The following RFX2 variants were observed in gnomAD, a reference collection of about 807,000 sequenced individuals.
The protein encoded by RFX2 is DNA-binding protein RFX2.
Under a neutral mutation model 87.8 loss-of-function variants are expected in RFX2, and 20 were observed. That is an observed-to-expected ratio of 0.23 (90% CI 0.16 to 0.33). RFX2 has a LOEUF of 0.33. RFX2 is among the 10% of genes least tolerant of loss of function. The pLI is 1.00. For synonymous variants in RFX2, 397 were observed against 431.3 expected (o/e 0.92, Z 0.98); for missense variants, 767 against 1,012.3 (o/e 0.76, Z 3.29).
chr19:6,008,363 C>T (rs2086615504), intron 9 of RFX2, 139 bp from the exon 10 acceptor site: 2 of 465,736 alleles, frequency 4.3e-6, no homozygotes, highest in Admixed American at 3.8e-5. Flanking sequence ...TTTTTTCTTT[C>T]TTTTTCTTTT....
chr19:6,042,624 G>A (rs1049235725), intron 3 of RFX2, among the ~76,000 whole-genome samples: 2 of 152,190 alleles, frequency 1.3e-5, no homozygotes, highest in East Asian at 3.8e-4. Flanking sequence ...AACACCCCCC[G>A]TGGGTGGCCC....
At chr19:6,100,004 C>T (rs904866479) in intron 1 of RFX2, among the ~76,000 whole-genome samples, 4 of 152,182 alleles carry the variant, frequency 2.6e-5, no homozygotes, top group Non-Finnish European at 5.9e-5. Context: ...TAATCTGGCC[C>T]CAAATGTCAA....
At chr19:6,032,785 C>A (rs566765771) in intron 5 of RFX2, among the ~76,000 whole-genome samples, 2 of 152,140 alleles carry the variant, frequency 1.3e-5, no homozygotes, top group Non-Finnish European at 2.9e-5. Flanking sequence ...TGAACCAATT[C>A]TGTTGTTTGT....
intron 1 of RFX2, among the ~76,000 whole-genome samples, chr19:6,105,876 G>T (rs531164270): frequency 6.6e-6 from 1 of 152,134 alleles, no homozygotes; most frequent in East Asian, 1.9e-4. Flanking sequence ...GTAGATCTGG[G>T]GGGACTATGA....
intron 1 of RFX2, among the ~76,000 whole-genome samples, chr19:6,106,865 AT>A (rs1381382254): frequency 3.4e-5 from 5 of 148,152 alleles, no homozygotes; most frequent in African/African-American, 1.2e-4. Flanking sequence ...ATGTTTTAAT[AT>A]TTCAATATAT....
intron 5 of RFX2, among the ~76,000 whole-genome samples, chr19:6,035,982 C>T (rs1414392127): frequency 6.6e-6 from 1 of 152,034 alleles, no homozygotes; most frequent in South Asian, 2.1e-4. Flanking sequence ...AGGGTGGTGG[C>T]CCAGGGTCTG....
chr19:6,089,170 CAG>C (rs2087898082), intron 1 of RFX2, among the ~76,000 whole-genome samples: 1 of 152,216 alleles, frequency 6.6e-6, no homozygotes, highest in African/African-American at 2.4e-5. Flanking sequence ...GTCTTTAAAA[CAG>C]AGCCTAAAAT....
At chr19:6,066,416 T>C (rs1358343092) in intron 1 of RFX2, among the ~76,000 whole-genome samples, 1 of 152,182 alleles carries the variant, frequency 6.6e-6, no homozygotes, top group Admixed American at 6.5e-5. Context: ...AATGAAGGCA[T>C]CGTGCTGAAA....
rs113109060 is a variant in RFX2 at position 6,047,428 on chromosome 19, C to G, written c.69G>C (p.Pro23=). 9.4e-6 allele frequency: 15 copies of G among 1,598,734 alleles called. No homozygotes were observed. The East Asian group carries it at 3.2e-4, about 34-fold the overall frequency. Residue 23 remains proline, a synonymous_variant, in exon 2 of 18, where the codon CCG becomes CCC. Coordinates refer to ENST00000303657, the MANE Select transcript of RFX2 (RefSeq NM_000635.4). This position sits in a 1 kb window ranked among gnomAD's most constrained non-coding sequence, Gnocchi z 4.2. ...TTACCTGCGGGGAGGCTGGCACAGG[C>G]GGGGCTGCCGCCGAGGGACGCAGAG... is the stretch of plus-strand genomic sequence containing the variant. The part of the protein sequence containing the change: ...SVALRPSAAA[P]PVPASPQRVL...
At chr19:6,031,403 C>T (rs2086951211) in intron 5 of RFX2, among the ~76,000 whole-genome samples, 1 of 144,608 alleles carries the variant, frequency 6.9e-6, no homozygotes. Context: ...ACTAGTATTT[C>T]CTTTCTTTCT....
At position 6,007,038 on chromosome 19, in the gene RFX2, A is replaced by G; in HGVS notation, c.1376T>C (p.Ile459Thr). Reference sequence around the variant, plus strand: ...GGGGACCGGCCTCAGCACGTCGGGGATGAGAATCTCCACCAGCGCCTGGTA... The same window carrying G: ...GGGGACCGGCCTCAGCACGTCGGGGGTGAGAATCTCCACCAGCGCCTGGTA... ...ILYQALVEIL[I>T]PDVLRPVPST... The change falls in exon 12 of 18, where the codon ATC (isoleucine) becomes ACC (threonine). Residue 459 changes from isoleucine to threonine, a missense_variant. Ile to Thr is a moderately conservative substitution (Grantham distance 89). Coordinates refer to ENST00000303657, the MANE Select transcript of RFX2 (RefSeq NM_000635.4). The surrounding 1 kb of genome is among the most constrained non-coding windows in gnomAD (Gnocchi z 8.2). 6.2e-7 allele frequency: 1 copy of G among 1,614,034 alleles called. No individual in the cohort carries two copies. Among genetic ancestry groups the G allele is most frequent in the East Asian group, 2.2e-5 (1 of 44,864 alleles).
intron 1 of RFX2, among the ~76,000 whole-genome samples, chr19:6,095,090 C>T (rs1365258066): frequency 1.3e-5 from 2 of 151,996 alleles, no homozygotes; most frequent in Non-Finnish European, 2.9e-5. Context: ...CCAGCCTGGG[C>T]GACAGAGCAA....
At chr19:6,092,783 T>A (rs1382314922) in intron 1 of RFX2, among the ~76,000 whole-genome samples, 1 of 152,008 alleles carries the variant, frequency 6.6e-6, no homozygotes, top group East Asian at 1.9e-4. Context: ...CACAGAACAC[T>A]GTGGGTGAGT....
Position 6,010,016 on chromosome 19 carries a change from G to T in RFX2, c.1015+120C>A. On this transcript the variant is annotated intron_variant, in intron 9 of 17. Coordinates refer to ENST00000303657, the MANE Select transcript of RFX2 (RefSeq NM_000635.4). This position sits in a 1 kb window ranked among gnomAD's most constrained non-coding sequence, Gnocchi z 5.0. Reference sequence around the variant, plus strand: ...AAACTTTCTATTTGTCCGAAAAGGTGTCTCGTAAGAAAACTGTCGGAAGCA... The same window carrying T: ...AAACTTTCTATTTGTCCGAAAAGGTTTCTCGTAAGAAAACTGTCGGAAGCA... 1.9e-6 allele frequency: 1 copy of T among 533,864 alleles called. No homozygotes were observed. The highest frequency in any genetic ancestry group is 3.3e-6 in the Non-Finnish European group (1 of 305,232). The allele number at this position is 533,864 out of a possible 1,614,324, so 33.1% of individuals were successfully genotyped here.
chr19:6,044,825 CT>C lies in RFX2; in HGVS notation c.91-544del, dbSNP rs2087165710. 6.6e-6 allele frequency among the ~76,000 whole-genome samples: 1 copy of C among 152,206 alleles called. No individual in the cohort carries two copies. Among genetic ancestry groups the C allele is most frequent in the African/African-American group, 2.4e-5 (1 of 41,460 alleles). On this transcript the variant is annotated intron_variant, in intron 2 of 17. Transcript: ENST00000303657. This position sits in a 1 kb window ranked among gnomAD's most constrained non-coding sequence, Gnocchi z 5.3. ...TGAAGCCAGAGGGCTCAAGTGCTGC[CT>C]CTGGCTACAGAATACTCGAGTCCAG...
intron 7 of RFX2, 92 bp downstream of exon 7, chr19:6,015,998 G>A (rs2086721264): frequency 1.5e-6 from 2 of 1,294,894 alleles, no homozygotes; most frequent in Non-Finnish European, 2.1e-6. Context: ...CAGGCCACCT[G>A]GAAAGGAGGA....
chr19:6,051,068 G>A (rs2087260591), intron 1 of RFX2, among the ~76,000 whole-genome samples: 1 of 152,076 alleles, frequency 6.6e-6, no homozygotes, highest in Non-Finnish European at 1.5e-5. Flanking sequence ...AAAACTGAAG[G>A]TGGAATAAAG....
At position 6,016,036 on chromosome 19, in the gene RFX2, C is replaced by A. The variant is rs750282278; in HGVS notation, c.779+54G>T. 62 of 1,496,726 alleles carry A rather than the reference C, an allele frequency of 4.1e-5. No individual in the cohort carries two copies. The highest frequency in any genetic ancestry group is 5.3e-5 in the Non-Finnish European group (59 of 1,111,790). The allele number at this position is 1,496,726 out of a possible 1,614,324, so 92.7% of individuals were successfully genotyped here. A position where few individuals can be genotyped will look rare whatever the true frequency, so the allele number is the denominator to read the frequency against. On this transcript the variant is annotated intron_variant, in intron 7 of 17. Coordinates refer to ENST00000303657, the MANE Select transcript of RFX2 (RefSeq NM_000635.4). This position sits in a 1 kb window ranked among gnomAD's most constrained non-coding sequence, Gnocchi z 5.4. ...AAGCCTCGCATTTTCCCAAAAGCTC[C>A]ATTTCTTGGGAAAGGAAGAGGAAGA...
chr19:6,019,562 T>G (rs972933005), intron 6 of RFX2, among the ~76,000 whole-genome samples: 1 of 117,518 alleles, frequency 8.5e-6, no homozygotes, highest in African/African-American at 4.7e-5. Flanking sequence ...TTTTATATAC[T>G]TTTTTTTTTT....
Sources: allele counts gnomAD v4.1 joint callset (sites outside exome capture counted in the v4.1 genomes callset), GRCh38; gene constraint gnomAD v4.1.1; non-coding constraint Gnocchi (gnomAD v3.1); transcripts MANE v1.5; gene names NCBI Gene and HGNC (gene_info 2026-07-23, HGNC 2026-07-21).